Variants in SNX29 observed in about 807,000 individuals in gnomAD.
The protein encoded by SNX29 is sorting nexin-29.
A neutral mutation model predicts 102.1 loss-of-function variants in SNX29; 78 were observed. That is an observed-to-expected ratio of 0.76 (90% CI 0.64 to 0.92). SNX29 has a LOEUF of 0.92. Ranked by LOEUF, SNX29 falls within the 40% of genes least tolerant of loss-of-function variation. The pLI, the probability that SNX29 is intolerant of heterozygous loss-of-function variation, is 0.00. For missense variants in SNX29, 1,280 were observed against 1,061.7 expected (o/e 1.21, Z -2.86); for synonymous variants, 580 against 414.5 (o/e 1.40, Z -4.85).
Position 12,573,905 on chromosome 16 carries a change from C to CA in SNX29, c.*5277dup, listed in dbSNP as rs1030816739. 1.3e-4 allele frequency: 27 copies of CA among 204,380 alleles called. No homozygotes were observed. The highest frequency in any genetic ancestry group is 5.0e-5 in the Non-Finnish European group (5 of 99,744). 12.7% of individuals were successfully genotyped at this position (204,380 alleles called of 1,614,324 possible). ...TTAGCCGTCAGGTAGAACGCTTACTCACCTGACACCGACTTCTTAGAGAAG... is the reference window on the plus strand; with the variant it reads ...TTAGCCGTCAGGTAGAACGCTTACTCAACCTGACACCGACTTCTTAGAGAAG... On this transcript the variant is annotated 3_prime_UTR_variant, in exon 21 of 21. Transcript: ENST00000566228.
chr16:12,417,903 C>T (rs1000654958), intron 18 of SNX29, among the ~76,000 whole-genome samples: 11 of 152,174 alleles, frequency 7.2e-5, no homozygotes, highest in African/African-American at 1.2e-4. Flanking sequence ...TGAGCTTTCT[C>T]TGCCTGCAGT....
At chr16:12,563,783 C>T (rs542698524) in intron 20 of SNX29, among the ~76,000 whole-genome samples, 4 of 149,804 alleles carry the variant, frequency 2.7e-5, no homozygotes, top group African/African-American at 7.3e-5. Context: ...GCCGACCTGT[C>T]TGAAGACTGC....
chr16:12,129,596 C>G, intron 12 of SNX29, 34 bp from the exon 13 acceptor site: 2 of 1,582,400 alleles, frequency 1.3e-6, no homozygotes, highest in Non-Finnish European at 1.7e-6. Context: ...TCTGGGTTGA[C>G]AGCTTCTGAA....
chr16:12,395,297 T>C (rs889647748), intron 16 of SNX29, among the ~76,000 whole-genome samples: 2 of 152,272 alleles, frequency 1.3e-5, no homozygotes, highest in East Asian at 1.9e-4. Context: ...AAGAGACTTC[T>C]TGTCTCTGTT....
intron 20 of SNX29, among the ~76,000 whole-genome samples, chr16:12,537,817 A>G (rs993234471): frequency 6.6e-6 from 1 of 152,106 alleles, no homozygotes. Flanking sequence ...AGGTGTGTCC[A>G]CAGCATATAA....
At chr16:12,021,372 G>C (rs759221855) in intron 3 of SNX29, among the ~76,000 whole-genome samples, 3 of 152,072 alleles carry the variant, frequency 2.0e-5, no homozygotes, top group Non-Finnish European at 4.4e-5. Context: ...GTTGCAGTGA[G>C]CGGAGATCGC....
chr16:12,127,702 G>C (rs1029463033), intron 12 of SNX29, among the ~76,000 whole-genome samples: 2 of 152,144 alleles, frequency 1.3e-5, no homozygotes, highest in African/African-American at 4.8e-5. Context: ...GATTATAGAC[G>C]TGAGCCACTG....
chr16:12,548,694 C>T (rs1217755729), intron 20 of SNX29, among the ~76,000 whole-genome samples: 2 of 152,214 alleles, frequency 1.3e-5, no homozygotes, highest in Admixed American at 6.5e-5. Flanking sequence ...CAGAGCACTG[C>T]AGGGCATTGT....
intron 14 of SNX29, among the ~76,000 whole-genome samples, chr16:12,201,456 TGTTATTTTAAA>T (rs2076913028): frequency 6.6e-6 from 1 of 152,270 alleles, no homozygotes; most frequent in Admixed American, 6.5e-5. Flanking sequence ...GGTATTTTTC[TGTTATTTTAAA>T]GTTTGTTATT....
At chr16:12,345,607 C>T (rs31679) in intron 15 of SNX29, among the ~76,000 whole-genome samples, 76,573 of 151,958 alleles carry the variant, frequency 0.5, 19,951 homozygotes, top group Non-Finnish European at 0.59. Context: ...ACTGTTGTTG[C>T]CACTACTACT....
intron 18 of SNX29, among the ~76,000 whole-genome samples, chr16:12,423,478 C>T (rs996070881): frequency 3.3e-5 from 5 of 152,212 alleles, no homozygotes; most frequent in African/African-American, 7.2e-5. Context: ...CCTACGAGCA[C>T]AGAGGGACAG....
chr16:12,110,162 C>T (rs2053445420), intron 11 of SNX29, among the ~76,000 whole-genome samples: 1 of 152,150 alleles, frequency 6.6e-6, no homozygotes. Flanking sequence ...AACTGCAGCT[C>T]ACGTGTCTAA....
At chr16:12,324,319 A>T (rs1012147757) in intron 15 of SNX29, among the ~76,000 whole-genome samples, 1 of 152,068 alleles carries the variant, frequency 6.6e-6, no homozygotes, top group African/African-American at 2.4e-5. Flanking sequence ...ATGAGGCATG[A>T]AGTCCCAGGA....
At chr16:12,526,652 C>G (rs1295888331) in intron 20 of SNX29, 2 of 526,392 alleles carry the variant, frequency 3.8e-6, no homozygotes, top group African/African-American at 1.9e-5. Flanking sequence ...GGGAATTAGC[C>G]TCTCGCGGAG....
chr16:12,332,325 C>T (rs772789257), intron 15 of SNX29, among the ~76,000 whole-genome samples: 16 of 152,172 alleles, frequency 1.1e-4, no homozygotes, highest in South Asian at 2.1e-4. Flanking sequence ...TTGCATCTGG[C>T]TTTCCCCTGC....
At chr16:12,261,716 G>A (rs1407175884) in intron 14 of SNX29, among the ~76,000 whole-genome samples, 2 of 126,186 alleles carry the variant, frequency 1.6e-5, no homozygotes, top group Admixed American at 8.1e-5. Context: ...CTGTGCGTGC[G>A]TCCCCGGCTG....
chr16:12,296,253 T>C (rs933333822), intron 15 of SNX29, among the ~76,000 whole-genome samples: 3 of 152,260 alleles, frequency 2.0e-5, no homozygotes, highest in African/African-American at 7.2e-5. Context: ...TGATGGCATG[T>C]ATTTTAAAGC....
intron 20 of SNX29, among the ~76,000 whole-genome samples, chr16:12,560,135 T>TCCC (rs57116555): frequency 1.5e-4 from 20 of 135,388 alleles, no homozygotes; most frequent in African/African-American, 4.8e-4. Flanking sequence ...TGTGTTCCCC[T>TCCC]CCCCCCCCCA....
intron 13 of SNX29, among the ~76,000 whole-genome samples, chr16:12,139,842 G>C (rs189652561): frequency 2.6e-5 from 4 of 151,968 alleles, no homozygotes; most frequent in African/African-American, 9.6e-5. Context: ...TTAGCGGTGC[G>C]TGGTGGTGCA....
Sources: allele counts gnomAD v4.1 joint callset (sites outside exome capture counted in the v4.1 genomes callset), GRCh38; gene constraint gnomAD v4.1.1; transcripts MANE v1.5; gene names NCBI Gene and HGNC (gene_info 2026-07-23, HGNC 2026-07-21).